Variants in TPR observed in about 807,000 individuals in gnomAD.
TPR encodes translocated promoter region, nuclear basket protein, also known as nucleoprotein TPR.
Under a neutral mutation model 316.1 loss-of-function variants are expected in TPR, and 51 were observed. That is an observed-to-expected ratio of 0.16 (90% CI 0.13 to 0.20). TPR has a LOEUF of 0.20. Ranked by LOEUF, TPR falls within the 10% of genes least tolerant of loss-of-function variation. The probability of loss-of-function intolerance (pLI) is 1.00; values close to 1 mark genes in which losing one functional copy is unlikely to be tolerated. For missense variants in TPR, 2,272 were observed against 2,754.8 expected (o/e 0.82, Z 3.92); for synonymous variants, 981 against 914.7 (o/e 1.07, Z -1.31).
intron 17 of TPR, among the ~76,000 whole-genome samples, chr1:186,354,531 C>A (rs1658965235): frequency 1.3e-5 from 2 of 152,052 alleles, no homozygotes; most frequent in South Asian, 4.1e-4. Context: ...GGTTGCTGAA[C>A]TATTAGATGT....
rs751490999 is a variant in TPR at position 186,312,946 on chromosome 1, A to G, written c.*1025T>C. On this transcript the variant is annotated 3_prime_UTR_variant, in exon 51 of 51. Coordinates refer to ENST00000367478, the MANE Select transcript of TPR (RefSeq NM_003292.3). ...AGGAGGTGATATCATTTGTGAAAAC[A>G]TGAAGATAAAGTAAAAATGCTGGCT... The G allele has an allele frequency of 1.9e-6, 3 of 1,561,542 alleles. No individual in the cohort carries two copies.
intron 43 of TPR, 58 bp downstream of exon 43, chr1:186,323,628 G>A: frequency 7.2e-7 from 1 of 1,388,410 alleles, no homozygotes; most frequent in East Asian, 2.8e-5. Context: ...AATGGAAAGG[G>A]AGAAAAGCCA....
intron 14 of TPR, 118 bp downstream of exon 14, chr1:186,357,279 C>T: frequency 1.0e-6 from 1 of 962,186 alleles, no homozygotes; most frequent in Non-Finnish European, 1.6e-6. Flanking sequence ...ACCTCCTGGG[C>T]TCAAATGATA....
rs1658821963 is a variant in TPR at position 186,350,327 on chromosome 1, T to C, written c.2672A>G (p.Lys891Arg). 6.2e-7 allele frequency: 1 copy of C among 1,613,632 alleles called. No homozygotes were observed. Residue 891 changes from lysine (K) to arginine (R), a missense_variant, in exon 21 of 51, where the codon AAA becomes AGA. Lys to Arg is a conservative substitution (Grantham distance 26). Around this residue, in one of 10 missense-constraint regions of TPR, gnomAD observed 757 missense variants for 859.8 expected, o/e 0.88. Coordinates refer to ENST00000367478, the MANE Select transcript of TPR (RefSeq NM_003292.3). ...TTTTTGAGCATTTTTTAATAGTTCT[T>C]TTGTGTTAAGATGAAGATTTGTCTC... ...DTETNLHLNT[K>R]ELLKNAQKEI...
Position 186,360,887 on chromosome 1 carries a change from T to G in TPR, c.977A>C (p.Asp326Ala). 6.2e-7 allele frequency: 1 copy of G among 1,611,778 alleles called. No homozygotes were observed. Among genetic ancestry groups the G allele is most frequent in the Non-Finnish European group, 8.5e-7 (1 of 1,178,912 alleles). ...EAGEANKAIQ[D>A]HLLEVEQSKD... ...GGATTGCTCCACCTCTAGAAGATGA[T>G]CTTGTATTGCTTTGTTGGCTAAAAA... Residue 326 changes from aspartate (D) to alanine (A), a missense_variant, in exon 10 of 51, where the codon GAT (aspartate) becomes GCT (alanine). By Grantham distance (126) the Asp-to-Ala change is moderately radical. This residue lies in a region of TPR where 549 missense variants were observed against 598.6 expected (regional missense o/e 0.92). Transcript: ENST00000367478.
intron 17 of TPR, among the ~76,000 whole-genome samples, chr1:186,354,594 T>C (rs966298056): frequency 6.6e-6 from 1 of 152,114 alleles, no homozygotes; most frequent in African/African-American, 2.4e-5. Flanking sequence ...AGAAACAGTT[T>C]TATCATGTAC....
chr1:186,374,788 G>T, intron 1 of TPR, 90 bp downstream of exon 1: 6 of 1,364,724 alleles, frequency 4.4e-6, no homozygotes, highest in South Asian at 1.4e-5. Flanking sequence ...TTAACAGAGC[G>T]GTACCCAGTG....
intron 43 of TPR, 127 bp downstream of exon 43, chr1:186,323,559 T>C: frequency 1.2e-6 from 1 of 851,202 alleles, no homozygotes. Flanking sequence ...TATGCCAAAA[T>C]ACCAAAAAGT....
chr1:186,352,099 T>C lies in TPR; in HGVS notation c.2346A>G (p.Glu782=), dbSNP rs765835317. The C allele has an allele frequency of 6.2e-7, 1 of 1,603,320 alleles. No individual in the cohort carries two copies. The highest frequency in any genetic ancestry group is 8.5e-7 in the Non-Finnish European group (1 of 1,176,914). ...GCATTTCCTTTTCCTTCTTCAAATT[T>C]TCTGCTCTTACCTAAACATAAGTAG... The part of the protein sequence containing the change: ...EKLAVAEVRA[E]NLKKEKEMLK... The change falls in exon 19 of 51, where the codon GAA becomes GAG. Residue 782 remains glutamate, a synonymous_variant. Transcript: ENST00000367478.
At chr1:186,346,934 G>A (rs893142141) in intron 22 of TPR, among the ~76,000 whole-genome samples, 2 of 149,828 alleles carry the variant, frequency 1.3e-5, no homozygotes, top group Non-Finnish European at 3.0e-5. Flanking sequence ...TTCCCATCAC[G>A]TAAAATACCT....
intron 3 of TPR, among the ~76,000 whole-genome samples, chr1:186,369,748 T>G (rs182392250): frequency 6.6e-6 from 1 of 152,192 alleles, no homozygotes; most frequent in African/African-American, 2.4e-5. Context: ...TCTTGTCTGA[T>G]TGCTCTTGCT....
intron 33 of TPR, 133 bp downstream of exon 33, chr1:186,336,363 A>T: frequency 1.3e-6 from 1 of 774,342 alleles, no homozygotes; most frequent in Non-Finnish European, 2.1e-6. Flanking sequence ...ATTATTCCTA[A>T]TATTTAAAGC....
chr1:186,362,615 T>G (rs976068468), intron 6 of TPR, among the ~76,000 whole-genome samples: 8 of 152,040 alleles, frequency 5.3e-5, no homozygotes, highest in Non-Finnish European at 1.0e-4. Context: ...AGGAAAGATA[T>G]ATCGTAAGAC....
chr1:186,362,147 C>T (rs1159399654), intron 7 of TPR, 141 bp downstream of exon 7: 3 of 666,596 alleles, frequency 4.5e-6, no homozygotes, highest in Non-Finnish European at 7.4e-6. Flanking sequence ...CTATTTTAGC[C>T]TAGCTACAGC....
intron 1 of TPR, among the ~76,000 whole-genome samples, chr1:186,374,272 GC>G (rs1659623681): frequency 6.6e-6 from 1 of 151,918 alleles, no homozygotes; most frequent in Non-Finnish European, 1.5e-5. Context: ...TTACTTAAAG[GC>G]CTACTTTAGG....
chr1:186,325,425 A>G (rs1294334487), intron 42 of TPR: 1 of 175,902 alleles, frequency 5.7e-6, no homozygotes, highest in African/African-American at 2.4e-5. Context: ...ATGCAGCTTG[A>G]TTAGACTGAC....
chr1:186,327,777 CATTTA>C (rs1305087752), intron 39 of TPR, 117 bp from the exon 40 acceptor site: 190 of 881,244 alleles, frequency 2.2e-4, no homozygotes, highest in African/African-American at 1.4e-3. Flanking sequence ...GGACTAGCAG[CATTTA>C]ATTTAATTTT....
At chr1:186,345,433 C>T (rs1393212634) in intron 24 of TPR, 147 bp downstream of exon 24, 5 of 648,190 alleles carry the variant, frequency 7.7e-6, no homozygotes, top group South Asian at 6.3e-5. Context: ...TCCATCTATA[C>T]TTTTCAATTT....
chr1:186,368,246 A>C (rs772373180), intron 3 of TPR, among the ~76,000 whole-genome samples: 4 of 152,184 alleles, frequency 2.6e-5, no homozygotes, highest in Non-Finnish European at 5.9e-5. Context: ...TTAGAATATC[A>C]CTGTATTTAC....
Sources: allele counts gnomAD v4.1 joint callset (sites outside exome capture counted in the v4.1 genomes callset), GRCh38; gene constraint gnomAD v4.1.1; regional missense constraint gnomAD v4.1.1; transcripts MANE v1.5; gene names NCBI Gene and HGNC (gene_info 2026-07-23, HGNC 2026-07-21).